Variants in XRCC4 observed in about 807,000 individuals in gnomAD.
XRCC4 encodes DNA repair protein XRCC4.
A neutral mutation model predicts 39.1 loss-of-function variants in XRCC4; 28 were observed. The observed-to-expected ratio is 0.72, with a 90% confidence interval of 0.53 to 0.98. The LOEUF (loss-of-function observed/expected upper bound fraction) is 0.98, where lower values mean the gene tolerates loss of function less well. Ranked by LOEUF, XRCC4 falls within the 50% of genes least tolerant of loss-of-function variation. The probability of loss-of-function intolerance (pLI) is 0.00; values close to 1 mark genes in which losing one functional copy is unlikely to be tolerated. For synonymous variants in XRCC4, 123 were observed against 126.4 expected, an observed-to-expected ratio of 0.97 and a Z score of 0.18; for missense variants, 350 against 376.4, an observed-to-expected ratio of 0.93 and a Z score of 0.58.
intron 3 of XRCC4, among the ~76,000 whole-genome samples, chr5:83,183,907 T>C (rs999151657): frequency 6.6e-6 from 1 of 152,176 alleles, no homozygotes; most frequent in Non-Finnish European, 1.5e-5. Context: ...ACTTTGAAGA[T>C]TTTAAAATGT....
In XRCC4 at chr5:83,172,373, T is replaced by C. The variant is rs548945788; in HGVS notation, c.316-23397T>C. ...TAAAGACCATTTTAAACTGTGAATC[T>C]TTAAGGTCTTTTTGAGAATAATAGG... On this transcript the variant is annotated intron_variant, in intron 3 of 7. Transcript: ENST00000396027. Among the ~76,000 whole-genome samples, 4 of 152,302 alleles carry C rather than the reference T, an allele frequency of 2.6e-5. No homozygotes were observed. In the East Asian group the frequency reaches 5.8e-4, roughly 22 times the overall value.
At chr5:83,168,574 AT>A (rs1453659451) in intron 3 of XRCC4, among the ~76,000 whole-genome samples, 20 of 152,226 alleles carry the variant, frequency 1.3e-4, no homozygotes, top group East Asian at 3.9e-4. Flanking sequence ...GAGAATGTAC[AT>A]TTTTTTCATG....
intron 5 of XRCC4, 71 bp from the exon 6 acceptor site, chr5:83,204,744 C>A: frequency 2.9e-6 from 3 of 1,046,324 alleles, no homozygotes; most frequent in Non-Finnish European, 2.8e-6. Flanking sequence ...TCTATAATTG[C>A]TTACTGATAA....
chr5:83,079,296 T>G (rs1482931350), intron 1 of XRCC4, among the ~76,000 whole-genome samples: 1 of 152,266 alleles, frequency 6.6e-6, no homozygotes, highest in Non-Finnish European at 1.5e-5. Flanking sequence ...GTATAATGTT[T>G]ATTGCATTTA....
At chr5:83,219,460 T>A (rs1751997795) in intron 6 of XRCC4, among the ~76,000 whole-genome samples, 2 of 152,272 alleles carry the variant, frequency 1.3e-5, no homozygotes, top group African/African-American at 4.8e-5. Flanking sequence ...GAGACTGATA[T>A]TTAAACTAGA....
intron 7 of XRCC4, among the ~76,000 whole-genome samples, chr5:83,334,987 C>T (rs1756551284): frequency 6.6e-6 from 1 of 151,786 alleles, no homozygotes; most frequent in Non-Finnish European, 1.5e-5. Flanking sequence ...TATGATTCAA[C>T]ACTCAAAATA....
intron 6 of XRCC4, among the ~76,000 whole-genome samples, chr5:83,242,704 T>G (rs1407503553): frequency 6.6e-6 from 1 of 152,160 alleles, no homozygotes; most frequent in African/African-American, 2.4e-5. Context: ...TACTTTAACC[T>G]CCCATCACCG....
intron 1 of XRCC4, among the ~76,000 whole-genome samples, chr5:83,097,280 A>C (rs1745720362): frequency 6.6e-6 from 1 of 152,044 alleles, no homozygotes; most frequent in African/African-American, 2.4e-5. Context: ...AAAATTGTGA[A>C]ATGTTGGTAA....
intron 7 of XRCC4, among the ~76,000 whole-genome samples, chr5:83,309,940 C>T (rs757276781): frequency 5.9e-5 from 9 of 151,898 alleles, no homozygotes; most frequent in Non-Finnish European, 1.0e-4. Flanking sequence ...AAAACATAAA[C>T]GTGTTCAAAA....
chr5:83,142,666 A>G (rs73148083), intron 3 of XRCC4, among the ~76,000 whole-genome samples: 17 of 139,838 alleles, frequency 1.2e-4, no homozygotes, highest in African/African-American at 4.8e-4. Context: ...GTTTTGTGAG[A>G]GTGAGTCTCC....
intron 7 of XRCC4, among the ~76,000 whole-genome samples, chr5:83,275,417 C>A (rs1221850459): frequency 2.7e-5 from 4 of 150,878 alleles, no homozygotes; most frequent in Non-Finnish European, 4.4e-5. Context: ...GCCTCAGCCT[C>A]CCAAGTAGCT....
At chr5:83,197,530 C>T (rs1223164845) in intron 4 of XRCC4, among the ~76,000 whole-genome samples, 1 of 152,130 alleles carries the variant, frequency 6.6e-6, no homozygotes, top group East Asian at 1.9e-4. Context: ...ACACCACTCC[C>T]ATAGAATTGA....
At chr5:83,372,997 TG>T in the XRCC4 span, among the ~76,000 whole-genome samples, 1 of 152,152 alleles carries the variant, frequency 6.6e-6, no homozygotes, top group South Asian at 2.1e-4. Flanking sequence ...AGTCAGACCT[TG>T]GAAAATGAAA....
chr5:83,344,197 A>C (rs896062883), intron 7 of XRCC4, among the ~76,000 whole-genome samples: 10 of 151,476 alleles, frequency 6.6e-5, no homozygotes, highest in Non-Finnish European at 1.3e-4. Context: ...ATAGTTTTGC[A>C]TGGTTTTGAA....
Position 83,205,807 on chromosome 5 carries a change from A to T in XRCC4, c.745+886A>T, listed in dbSNP as rs1391596790. ...AACCAGAGAAGGCGTTAGAAAGGTC[A>T]GGGTGAGAATAAGGATGAGGGTTAT... On this transcript the variant is annotated intron_variant, in intron 6 of 7. Transcript: ENST00000396027. 7.2e-5 allele frequency among the ~76,000 whole-genome samples: 11 copies of T among 152,196 alleles called. No homozygotes were observed. In the South Asian group the frequency reaches 1.0e-3, roughly 14 times the overall value.
intron 1 of XRCC4, among the ~76,000 whole-genome samples, chr5:83,096,722 A>G (rs981675832): frequency 1.3e-5 from 2 of 152,230 alleles, no homozygotes; most frequent in Non-Finnish European, 2.9e-5. Flanking sequence ...GAAAAACAAT[A>G]TGAGCCAACA....
At chr5:83,175,462 A>G (rs561975735) in intron 3 of XRCC4, among the ~76,000 whole-genome samples, 1 of 152,342 alleles carries the variant, frequency 6.6e-6, no homozygotes, top group African/African-American at 2.4e-5. Flanking sequence ...AAACTTTTGT[A>G]AATAAACTAT....
chr5:83,129,172 C>G (rs1473666755), intron 3 of XRCC4, among the ~76,000 whole-genome samples: 1 of 144,262 alleles, frequency 6.9e-6, no homozygotes, highest in African/African-American at 2.7e-5. Context: ...AGGAAGGGAC[C>G]CAGTTTCAGC....
intron 1 of XRCC4, among the ~76,000 whole-genome samples, chr5:83,084,934 T>C (rs1745112591): frequency 6.6e-6 from 1 of 152,178 alleles, no homozygotes; most frequent in South Asian, 2.1e-4. Flanking sequence ...CTATAGATTC[T>C]GAAAAGGCTT....
Sources: allele counts gnomAD v4.1 joint callset (sites outside exome capture counted in the v4.1 genomes callset), GRCh38; gene constraint gnomAD v4.1.1; transcripts MANE v1.5; gene names NCBI Gene and HGNC (gene_info 2026-07-23, HGNC 2026-07-21).